ZNF500: variants seen among roughly 807,000 people sequenced by gnomAD.
ZNF500 encodes zinc finger protein with KRAB and SCAN domains 18.
A neutral mutation model predicts 30.1 loss-of-function variants in ZNF500; 31 were observed. That is an observed-to-expected ratio of 1.03 (90% CI 0.77 to 1.39). The LOEUF is 1.39. Among genes scored for constraint, ZNF500 ranks in the 40% most tolerant of loss-of-function variants. ZNF500 has a pLI of 0.00. For missense variants in ZNF500, 817 were observed against 657.8 expected (o/e 1.24, Z -2.65); for synonymous variants, 392 against 282.0 (o/e 1.39, Z -3.91).
At chr16:4,758,378 C>T (rs1487283950) in intron 5 of ZNF500, 1 of 152,190 alleles carries the variant, frequency 6.6e-6, no homozygotes, top group Non-Finnish European at 1.5e-5. Context: ...CTCATTCCTT[C>T]CCTTCTGAGG....
intron 2 of ZNF500, chr16:4,763,482 T>G: frequency 9.1e-6 from 8 of 877,042 alleles, no homozygotes; most frequent in Non-Finnish European, 9.6e-6. Flanking sequence ...CCAGGAAAGG[T>G]GAGTTGAATG....
chr16:4,752,152 T>G lies in ZNF500; in HGVS notation c.*224A>C. The G allele has an allele frequency of 7.2e-7, 1 of 1,379,642 alleles. No homozygotes were observed. The highest frequency in any genetic ancestry group is 9.3e-7 in the Non-Finnish European group (1 of 1,072,182). 85.5% of individuals were successfully genotyped at this position (1,379,642 alleles called of 1,614,324 possible). ...GAAGCCCCTGCTCTGTGTCACCTGT[T>G]CTGGCTGCCACTGGACACTCAGAGC... On this transcript the variant is annotated 3_prime_UTR_variant, in exon 6 of 6. Coordinates refer to ENST00000219478, the MANE Select transcript of ZNF500 (RefSeq NM_021646.4).
downstream of ZNF500, chr16:4,746,669 G>C: frequency 9.3e-7 from 1 of 1,079,370 alleles, no homozygotes; most frequent in South Asian, 1.7e-5. Flanking sequence ...AGTCCCCCTG[G>C]GTCCCTGCAG....
intron 1 of ZNF500, 183 bp downstream of exon 1, chr16:4,766,834 G>T (rs1168367850): frequency 6.6e-6 from 1 of 152,252 alleles, no homozygotes; most frequent in Non-Finnish European, 1.5e-5. Flanking sequence ...GGGTGGTCAC[G>T]ACAGCCCCCC....
In ZNF500 at chr16:4,763,475, G is replaced by A. The variant is rs564123030; in HGVS notation, c.415-719C>T. On this transcript the variant is annotated intron_variant, in intron 2 of 5. Coordinates refer to ENST00000219478, the MANE Select transcript of ZNF500 (RefSeq NM_021646.4). ...TGAGATGATCTATTTCCTAATTCCA[G>A]GAAAGGTGAGTTGAATGAAATTGGG... is the stretch of plus-strand genomic sequence containing the variant. The A allele has an allele frequency of 2.2e-5, 19 of 860,644 alleles. No individual in the cohort carries two copies. The African/African-American group carries it at 3.3e-4, about 15-fold the overall frequency. The allele number at this position is 860,644 out of a possible 1,614,324, so 53.3% of individuals were successfully genotyped here.
chr16:4,756,989 AG>A (rs1461951251), intron 5 of ZNF500, among the ~76,000 whole-genome samples: 1 of 151,942 alleles, frequency 6.6e-6, no homozygotes, highest in Non-Finnish European at 1.5e-5. Context: ...TCTCAAAAAA[AG>A]AAAAAAAAAG....
chr16:4,766,545 C>A (rs1429981353), intron 1 of ZNF500, among the ~76,000 whole-genome samples: 1 of 152,122 alleles, frequency 6.6e-6, no homozygotes, highest in Non-Finnish European at 1.5e-5. Context: ...CGCTTGAACC[C>A]GGGAGATGGA....
intron 2 of ZNF500, among the ~76,000 whole-genome samples, chr16:4,765,282 C>T (rs530400796): frequency 2.0e-4 from 31 of 151,784 alleles, no homozygotes; most frequent in South Asian, 1.0e-3. Context: ...GGCAACAGAG[C>T]GAGACTATGT....
rs756285966 is a variant in ZNF500 at position 4,752,427 on chromosome 16, GGAGCCT to G, written c.1386_1391del (p.Gly463_Ser464del). On this transcript the variant is annotated inframe_deletion, in exon 6 of 6. Transcript: ENST00000219478. ...GAGCCACCGGCTGGAGCGTCGGCAA[GGAGCCT>G]GCCCCCATGTGGGTCCGCTGGTGCT... 5.2e-6 allele frequency: 8 copies of G among 1,531,252 alleles called. No homozygotes were observed. Among genetic ancestry groups the G allele is most frequent in the African/African-American group, 1.4e-5 (1 of 72,620 alleles). The allele number at this position is 1,531,252 out of a possible 1,614,324, so 94.9% of individuals were successfully genotyped here. A position where few individuals can be genotyped will look rare whatever the true frequency, so the allele number is the denominator to read the frequency against.
At chr16:4,762,522 C>T (rs1437936157) in intron 3 of ZNF500, 51 bp downstream of exon 3, 2 of 1,562,594 alleles carry the variant, frequency 1.3e-6, no homozygotes, top group South Asian at 1.2e-5. Context: ...CAGTCACCTT[C>T]ACCTCCCTCC....
Position 4,752,078 on chromosome 16 carries a change from G to A in ZNF500, c.*298C>T, listed in dbSNP as rs550063258. On this transcript the variant is annotated 3_prime_UTR_variant, in exon 6 of 6. Transcript: ENST00000219478. ...CAGGCCCTTCAGGAGCCAGCCCCAC[G>A]AACACCTTGAGTGTCGGCTTCTGGC... 58 of 1,307,758 alleles carry A rather than the reference G, an allele frequency of 4.4e-5. No homozygotes were observed. The African/African-American group carries it at 5.7e-4, about 13-fold the overall frequency. 81.0% of individuals were successfully genotyped at this position (1,307,758 alleles called of 1,614,324 possible).
chr16:4,745,539 G>A (rs741693), downstream of ZNF500, among the ~76,000 whole-genome samples: 6,772 of 152,298 alleles, frequency 0.044, 502 homozygotes, highest in African/African-American at 0.16. Flanking sequence ...CCCTCTATAT[G>A]CCTGCCCTCC....
Position 4,762,710 on chromosome 16 carries a change from C to T in ZNF500, c.461G>A (p.Gly154Glu), listed in dbSNP as rs149705876. The change falls in exon 3 of 6, where the codon GGA (glycine) becomes GAA (glutamate). Residue 154 changes from glycine to glutamate, a missense_variant. By Grantham distance (98) the Gly-to-Glu change is moderately conservative. Coordinates refer to ENST00000219478, the MANE Select transcript of ZNF500 (RefSeq NM_021646.4). ...SDDEVPLGIG[G>E]QFLKHQAEAQ... is the part of the protein sequence containing the mutation. ...CTCTGCCTGGTGTTTTAAGAACTGT[C>T]CCCCTATCCCGAGGGGCACCTCGTC... 1,235 of 1,613,580 alleles carry T rather than the reference C, an allele frequency of 7.7e-4. 7 individuals are homozygous for T. Among genetic ancestry groups the T allele is most frequent in the Middle Eastern group, 3.0e-3 (18 of 6,060 alleles).
At chr16:4,764,912 C>G (rs922698541) in intron 2 of ZNF500, among the ~76,000 whole-genome samples, 2 of 152,166 alleles carry the variant, frequency 1.3e-5, no homozygotes, top group African/African-American at 4.8e-5. Flanking sequence ...ACCAAAGTGC[C>G]CCCCATGCCC....
At chr16:4,754,324 G>A (rs537724171) in intron 5 of ZNF500, among the ~76,000 whole-genome samples, 6 of 152,198 alleles carry the variant, frequency 3.9e-5, no homozygotes, top group Admixed American at 3.9e-4. Flanking sequence ...GATAGCCGAA[G>A]GTGGGTTTGG....
Position 4,765,826 on chromosome 16 carries a change from C to G in ZNF500, c.153G>C (p.Gln51His), listed in dbSNP as rs904462003. 4.3e-6 allele frequency: 7 copies of G among 1,613,528 alleles called. No homozygotes were observed. The African/African-American group carries it at 6.7e-5, about 15-fold the overall frequency. ...CCTGGTAGCAGAAGAGCCGGAAGAG[C>G]TGGCGGAAAGTCTCAGGGCTGGGGT... is the stretch of plus-strand genomic sequence containing the variant. ...TEDPSPETFR[Q>H]LFRLFCYQEV... Residue 51 changes from glutamine to histidine, a missense_variant, in exon 2 of 6, where the codon CAG becomes CAC. Transcript: ENST00000219478.
intron 2 of ZNF500, among the ~76,000 whole-genome samples, chr16:4,764,564 G>A (rs549563499): frequency 1.3e-4 from 20 of 151,546 alleles, no homozygotes; most frequent in East Asian, 2.0e-4. Flanking sequence ...GGTGAATCAC[G>A]AGGTCAGGAG....
rs775893088 is a variant in ZNF500 at position 4,765,649 on chromosome 16, T to A, written c.330A>T (p.Val110=). Residue 110 remains valine (V), a synonymous_variant, in exon 2 of 6, where the codon GTA becomes GTT. Transcript: ENST00000219478. The stretch of plus-strand genomic sequence containing the variant: ...CACCGCTCTCCGGCTGCTGCTCGCG[T>A]ACCCGAGCCTGGATCTCCCCCGGCA... The part of the protein sequence containing the change: ...TVLPGEIQAR[V]REQQPESGEE... 2 of 1,613,406 alleles carry A rather than the reference T, an allele frequency of 1.2e-6. No individual in the cohort carries two copies. The highest frequency in any genetic ancestry group is 1.7e-5 in the Admixed American group (1 of 59,994).
intron 5 of ZNF500, among the ~76,000 whole-genome samples, chr16:4,758,804 C>T (rs1170502439): frequency 1.3e-5 from 2 of 152,172 alleles, no homozygotes. Context: ...TAAAACTCTT[C>T]ATAGGCAACA....
Sources: gnomAD v4.1 joint callset for allele counts (sites outside exome capture counted in the v4.1 genomes callset) on GRCh38, gnomAD v4.1.1 for gene constraint, MANE v1.5 for transcripts, NCBI Gene and HGNC (gene_info 2026-07-23, HGNC 2026-07-21) for gene names.